Variants in SLC28A3 observed in about 807,000 individuals in gnomAD.
SLC28A3 encodes the protein solute carrier family 28 member 3.
SLC28A3 carries 68 observed loss-of-function variants against 84.2 expected under a neutral mutation model. The observed-to-expected ratio is 0.81, with a 90% CI of 0.66 to 0.99. The LOEUF (loss-of-function observed/expected upper bound fraction) is 0.99. SLC28A3 is among the 50% of genes least tolerant of loss of function. The probability of loss-of-function intolerance (pLI) is 0.00; values close to 1 mark genes in which losing one functional copy is unlikely to be tolerated. For synonymous variants in SLC28A3, 267 were observed against 303.6 expected (o/e 0.88, Z 1.25); for missense variants, 712 against 841.5 (o/e 0.85, Z 1.90).
In SLC28A3 at chr9:84,294,191, G is replaced by A; in HGVS notation, c.942+4C>T. 6.2e-7 allele frequency: 1 copy of A among 1,613,868 alleles called. No individual in the cohort carries two copies. The highest frequency in any genetic ancestry group is 2.2e-5 in the East Asian group (1 of 44,880). ...TATAACCCAGTCCCTCCCAGCCCCA[G>A]TACCTTTCTAATAATCCACTGCATC... is the stretch of plus-strand genomic sequence containing the variant. On this transcript the variant is annotated splice_donor_region_variant and intron_variant, in intron 9 of 17. Coordinates refer to ENST00000376238, the MANE Select transcript of SLC28A3 (RefSeq NM_001199633.2).
At chr9:84,288,822 C>T (rs1825099757) in intron 11 of SLC28A3, among the ~76,000 whole-genome samples, 1 of 152,180 alleles carries the variant, frequency 6.6e-6, no homozygotes. Context: ...GCTGGGATTA[C>T]AGGCATGAGC....
the SLC28A3 span, among the ~76,000 whole-genome samples, chr9:84,347,227 A>AAAAAAG: frequency 2.6e-4 from 34 of 131,752 alleles, no homozygotes; most frequent in African/African-American, 6.5e-4. Context: ...AAAAAAAAAA[A>AAAAAAG]AAGGGAAGAA....
At chr9:84,297,521 C>T (rs903043941) in intron 7 of SLC28A3, among the ~76,000 whole-genome samples, 1 of 152,180 alleles carries the variant, frequency 6.6e-6, no homozygotes, top group Non-Finnish European at 1.5e-5. Flanking sequence ...TTCAGTCTGA[C>T]TCTAGAATGC....
intron 14 of SLC28A3, among the ~76,000 whole-genome samples, chr9:84,282,863 T>C (rs1375324901): frequency 5.3e-5 from 8 of 152,224 alleles, no homozygotes; most frequent in Non-Finnish European, 1.2e-4. Context: ...TTTTGTTGAT[T>C]CCAAGGCCCC....
intron 14 of SLC28A3, among the ~76,000 whole-genome samples, chr9:84,281,925 A>G (rs891706866): frequency 1.3e-5 from 2 of 152,212 alleles, no homozygotes; most frequent in African/African-American, 4.8e-5. Flanking sequence ...GAGGAGTTCA[A>G]GACCATCCTG....
intron 12 of SLC28A3, among the ~76,000 whole-genome samples, chr9:84,286,455 T>TC (rs890772090): frequency 2.7e-5 from 4 of 148,820 alleles, no homozygotes; most frequent in Non-Finnish European, 4.5e-5. Context: ...CTTTTTTTTT[T>TC]TTTTTTTTTT....
intron 16 of SLC28A3, 105 bp from the exon 17 acceptor site, chr9:84,279,490 A>AG: frequency 3.3e-6 from 3 of 911,864 alleles, no homozygotes; most frequent in Non-Finnish European, 4.3e-6. Context: ...TGCCCAGGCT[A>AG]GAGTGTAGTG....
the SLC28A3 span, among the ~76,000 whole-genome samples, chr9:84,361,374 C>T: frequency 6.6e-6 from 1 of 152,184 alleles, no homozygotes; most frequent in African/African-American, 2.4e-5. Context: ...AATAGGGTTA[C>T]AGGCTATTTC....
intron 5 of SLC28A3, among the ~76,000 whole-genome samples, chr9:84,300,950 G>A (rs191698681): frequency 2.6e-5 from 4 of 152,050 alleles, no homozygotes; most frequent in Admixed American, 1.3e-4. Context: ...TTACTGTAGG[G>A]GACAGCATAT....
At chr9:84,297,801 A>C in intron 7 of SLC28A3, 105 bp downstream of exon 7, 1 of 892,084 alleles carries the variant, frequency 1.1e-6, no homozygotes, top group Non-Finnish European at 1.8e-6. Flanking sequence ...TTAAAATTTG[A>C]GACAACTCAT....
chr9:84,323,111 G>A (rs117542686), intron 1 of SLC28A3, among the ~76,000 whole-genome samples: 2,504 of 152,210 alleles, frequency 0.016, 35 homozygotes, highest in Non-Finnish European at 0.029. Flanking sequence ...AATGGATTGC[G>A]GTATTTGCTA....
At chr9:84,336,771 C>T (rs1199403748) in intron 1 of SLC28A3, among the ~76,000 whole-genome samples, 1 of 152,212 alleles carries the variant, frequency 6.6e-6, no homozygotes, top group Non-Finnish European at 1.5e-5. Flanking sequence ...TGCCAGCCTG[C>T]CCCCTTTCCC....
chr9:84,281,467 C>T (rs1824745559), intron 14 of SLC28A3, among the ~76,000 whole-genome samples: 1 of 152,146 alleles, frequency 6.6e-6, no homozygotes. Flanking sequence ...TATGCCTCCA[C>T]TAAAATTAAA....
chr9:84,328,185 A>ACG (rs1364036985), intron 1 of SLC28A3, among the ~76,000 whole-genome samples: 62 of 151,706 alleles, frequency 4.1e-4, no homozygotes, highest in African/African-American at 1.4e-3. Flanking sequence ...ACACACACAC[A>ACG]CACACACATA....
upstream of SLC28A3, among the ~76,000 whole-genome samples, chr9:84,341,791 T>A (rs187272774): frequency 5.3e-4 from 81 of 151,418 alleles, no homozygotes; most frequent in African/African-American, 1.8e-3. Context: ...AAATAGGGAT[T>A]TTCCCCCCTA....
the SLC28A3 span, among the ~76,000 whole-genome samples, chr9:84,362,562 G>A: frequency 5.0e-4 from 76 of 152,136 alleles, no homozygotes; most frequent in African/African-American, 1.7e-3. Context: ...AACCTGGGAG[G>A]CGGAGATTGC....
At chr9:84,299,085 G>T (rs888987704) in intron 6 of SLC28A3, among the ~76,000 whole-genome samples, 11 of 152,150 alleles carry the variant, frequency 7.2e-5, no homozygotes, top group Non-Finnish European at 1.6e-4. Flanking sequence ...GAGATTTGAT[G>T]TCTCAGAATT....
At chr9:84,342,164 A>G (rs997195750), upstream of SLC28A3, among the ~76,000 whole-genome samples, 6 of 150,820 alleles carry the variant, frequency 4.0e-5, no homozygotes, top group East Asian at 3.9e-4. Flanking sequence ...AAGAAAAAGA[A>G]AAAGTAAGAA....
chr9:84,360,471 GT>G, the SLC28A3 span, among the ~76,000 whole-genome samples: 2 of 151,762 alleles, frequency 1.3e-5, no homozygotes, highest in Non-Finnish European at 2.9e-5. Context: ...TCGTTAAAGT[GT>G]TGAGAAGATA....
Sources: allele counts gnomAD v4.1 joint callset (sites outside exome capture counted in the v4.1 genomes callset), GRCh38; gene constraint gnomAD v4.1.1; transcripts MANE v1.5; gene names NCBI Gene and HGNC (gene_info 2026-07-23, HGNC 2026-07-21).